CTNND2: variants seen among roughly 807,000 people sequenced by gnomAD.
CTNND2 encodes catenin delta-2.
CTNND2 carries 22 observed loss-of-function variants against 144.4 expected under a neutral mutation model. The observed-to-expected ratio is 0.15, with a 90% CI of 0.11 to 0.22. CTNND2 has a LOEUF of 0.22. CTNND2 is among the 10% of genes least tolerant of loss of function. The probability of loss-of-function intolerance (pLI) is 1.00; values close to 1 mark genes in which losing one functional copy is unlikely to be tolerated. For synonymous variants in CTNND2, 751 were observed against 695.6 expected, an observed-to-expected ratio of 1.08 and a Z score of -1.25; for missense variants, 1,353 against 1,618.8, an observed-to-expected ratio of 0.84 and a Z score of 2.82.
intron 12 of CTNND2, among the ~76,000 whole-genome samples, chr5:11,153,710 A>G (rs1290444987): frequency 8.5e-5 from 13 of 152,234 alleles, no homozygotes; most frequent in African/African-American, 3.1e-4. Context: ...TCTTATGTAC[A>G]CAAAGATAGA....
In CTNND2 at chr5:11,250,204, A is replaced by G. The variant is rs539280511; in HGVS notation, c.1629-13381T>C. 1.1e-4 allele frequency among the ~76,000 whole-genome samples: 17 copies of G among 152,282 alleles called. No homozygotes were observed. In the South Asian group the frequency reaches 3.3e-3, roughly 30 times the overall value. On this transcript the variant is annotated intron_variant, in intron 9 of 21. Transcript: ENST00000304623. ...GGGTGAAAAGGCTGTTGAAAGGCCC[A>G]ACTATAGGTCATTGTCTTGGATGAT...
rs916822 is a variant in CTNND2, at chr5:11,364,591, A to G, written c.1372+105T>C. The G allele has an allele frequency of 2.3e-3, 1,958 of 835,286 alleles. 28 individuals carry two copies. The African/African-American group carries it at 0.031, about 13-fold the overall frequency. 51.7% of individuals were successfully genotyped at this position (835,286 alleles called of 1,614,324 possible). A position where few individuals can be genotyped will look rare whatever the true frequency, so the allele number is the denominator to read the frequency against. On this transcript the variant is annotated intron_variant, in intron 8 of 21. Transcript: ENST00000304623. ...GAAGCAGGTCACAGTGCTTGTGGGG[A>G]TAGTGGACACAGACACACACCTTTC...
At chr5:11,065,551 C>T (rs933973483) in intron 16 of CTNND2, among the ~76,000 whole-genome samples, 3 of 152,210 alleles carry the variant, frequency 2.0e-5, no homozygotes, top group African/African-American at 7.2e-5. Context: ...CAACAAACAT[C>T]CTTGCCAATA....
At chr5:11,843,741 A>C (rs1794601209) in intron 1 of CTNND2, among the ~76,000 whole-genome samples, 1 of 152,216 alleles carries the variant, frequency 6.6e-6, no homozygotes, top group Non-Finnish European at 1.5e-5. Context: ...AGAAATGTTA[A>C]ATAATTATTT....
At chr5:11,468,855 T>A (rs1227627356) in intron 3 of CTNND2, among the ~76,000 whole-genome samples, 1 of 152,162 alleles carries the variant, frequency 6.6e-6, no homozygotes, top group Non-Finnish European at 1.5e-5. Context: ...TCTCCTTTCT[T>A]GTGGGATTCT....
chr5:11,512,213 T>C (rs1304349283), intron 3 of CTNND2, among the ~76,000 whole-genome samples: 1 of 152,156 alleles, frequency 6.6e-6, no homozygotes, highest in African/African-American at 2.4e-5. Flanking sequence ...CCTAATATTT[T>C]TGAACAAAGG....
chr5:11,857,400 G>A (rs981503063), intron 1 of CTNND2, among the ~76,000 whole-genome samples: 6 of 152,196 alleles, frequency 3.9e-5, no homozygotes, highest in African/African-American at 1.2e-4. Context: ...TGAGGCTGGA[G>A]CACAGCAGTC....
intron 8 of CTNND2, among the ~76,000 whole-genome samples, chr5:11,360,913 C>T (rs1756382745): frequency 6.6e-6 from 1 of 152,150 alleles, no homozygotes. Flanking sequence ...TTAAGCTCCA[C>T]AGATGAAAAT....
At chr5:11,664,461 G>T (rs1195832206) in intron 2 of CTNND2, among the ~76,000 whole-genome samples, 4 of 152,092 alleles carry the variant, frequency 2.6e-5, no homozygotes, top group Non-Finnish European at 5.9e-5. Flanking sequence ...TGTGGTGGCT[G>T]GTGCCTGTAA....
chr5:11,369,673 G>C (rs1757287661), intron 7 of CTNND2, among the ~76,000 whole-genome samples: 1 of 152,212 alleles, frequency 6.6e-6, no homozygotes, highest in African/African-American at 2.4e-5. Context: ...CCCTGGCTTT[G>C]AAAATAAGTT....
intron 2 of CTNND2, among the ~76,000 whole-genome samples, chr5:11,620,297 G>A (rs1780769941): frequency 6.6e-6 from 1 of 152,068 alleles, no homozygotes; most frequent in African/African-American, 2.4e-5. Context: ...TCATATGCAA[G>A]GTAACCAATC....
At chr5:11,263,267 C>A (rs373649312) in intron 9 of CTNND2, among the ~76,000 whole-genome samples, 4 of 152,118 alleles carry the variant, frequency 2.6e-5, no homozygotes, top group African/African-American at 9.7e-5. Flanking sequence ...TGTATAATGG[C>A]CCATTTCGTA....
At chr5:11,865,202 T>A (rs1795705201) in intron 1 of CTNND2, among the ~76,000 whole-genome samples, 1 of 152,156 alleles carries the variant, frequency 6.6e-6, no homozygotes, top group South Asian at 2.1e-4. Flanking sequence ...CCTGTTCTTG[T>A]TTTTGAATGT....
At chr5:11,624,674 C>T (rs1424986373) in intron 2 of CTNND2, among the ~76,000 whole-genome samples, 1 of 151,990 alleles carries the variant, frequency 6.6e-6, no homozygotes, top group East Asian at 1.9e-4. Flanking sequence ...TTAAAAGTGG[C>T]TTTTGTGATT....
chr5:10,989,772 C>T (rs922237840), intron 19 of CTNND2, among the ~76,000 whole-genome samples: 4 of 152,148 alleles, frequency 2.6e-5, no homozygotes, highest in Non-Finnish European at 5.9e-5. Flanking sequence ...AGCTCTCAAT[C>T]GAGTAAGGAA....
chr5:11,383,245 CTG>C (rs1431120008), intron 7 of CTNND2, among the ~76,000 whole-genome samples: 3 of 152,150 alleles, frequency 2.0e-5, no homozygotes, highest in African/African-American at 7.2e-5. Flanking sequence ...CTCCTCTTCT[CTG>C]TGGTGGTGCG....
intron 1 of CTNND2, among the ~76,000 whole-genome samples, chr5:11,865,229 T>A (rs1795706808): frequency 6.6e-6 from 1 of 152,158 alleles, no homozygotes; most frequent in Non-Finnish European, 1.5e-5. Flanking sequence ...TGGGCTGATT[T>A]AAGAATATGA....
At chr5:11,446,365 G>C (rs1161849240) in intron 3 of CTNND2, among the ~76,000 whole-genome samples, 2 of 152,170 alleles carry the variant, frequency 1.3e-5, no homozygotes, top group African/African-American at 4.8e-5. Context: ...TCGGTTCATG[G>C]GAGGGTCGGG....
At chr5:11,598,827 T>C (rs1561606391) in intron 2 of CTNND2, among the ~76,000 whole-genome samples, 1 of 152,114 alleles carries the variant, frequency 6.6e-6, no homozygotes, top group African/African-American at 2.4e-5. Context: ...GAAGTAAGCA[T>C]CTTGTATTAG....
Sources: allele counts gnomAD v4.1 joint callset (sites outside exome capture counted in the v4.1 genomes callset), GRCh38; gene constraint gnomAD v4.1.1; transcripts MANE v1.5; gene names NCBI Gene and HGNC (gene_info 2026-07-23, HGNC 2026-07-21).